The following SPAG17 variants were observed in gnomAD, a reference collection of about 807,000 sequenced individuals.
The protein encoded by SPAG17 is sperm-associated antigen 17.
SPAG17 carries 169 observed loss-of-function variants against 273.6 expected under a neutral mutation model. The observed-to-expected ratio is 0.62, with a 90% CI of 0.55 to 0.70. The LOEUF is 0.70. SPAG17 is among the 30% of genes least tolerant of loss of function. SPAG17 has a pLI of 0.00. For synonymous variants in SPAG17, 825 were observed against 873.2 expected, an observed-to-expected ratio of 0.94 and a Z score of 0.97; for missense variants, 2,557 against 2,627.8, an observed-to-expected ratio of 0.97 and a Z score of 0.59.
intron 17 of SPAG17, among the ~76,000 whole-genome samples, chr1:118,071,966 G>A (rs939870014): frequency 3.3e-5 from 5 of 152,016 alleles, no homozygotes; most frequent in South Asian, 2.1e-4. Context: ...GGATTGCACC[G>A]GCTTGCCAGA....
chr1:118,136,657 C>CTGTTTT (rs1658374821), intron 3 of SPAG17, among the ~76,000 whole-genome samples: 1 of 152,138 alleles, frequency 6.6e-6, no homozygotes, highest in Admixed American at 6.5e-5. Flanking sequence ...GATGCTGGCC[C>CTGTTTT]AGGGTGAAAC....
chr1:118,040,945 AGT>A, intron 21 of SPAG17, 104 bp from the exon 22 acceptor site: 2 of 739,714 alleles, frequency 2.7e-6, no homozygotes, highest in Non-Finnish European at 4.9e-6. Flanking sequence ...ATTTCTGCTA[AGT>A]GATATGTCTG....
At chr1:118,151,392 A>G in intron 1 of SPAG17, 23 bp from the exon 2 acceptor site, 1 of 1,607,548 alleles carries the variant, frequency 6.2e-7, no homozygotes, top group Non-Finnish European at 8.5e-7. Flanking sequence ...AGACGGAATT[A>G]GATTTTAAAT....
intron 1 of SPAG17, among the ~76,000 whole-genome samples, chr1:118,157,147 G>A (rs1248310610): frequency 4.6e-5 from 7 of 152,146 alleles, no homozygotes; most frequent in Non-Finnish European, 8.8e-5. Flanking sequence ...TGTTCACTTG[G>A]AGAAGGTTAC....
chr1:118,165,466 C>T lies in SPAG17; in HGVS notation c.88-14097G>A, dbSNP rs537809247. On this transcript the variant is annotated intron_variant, in intron 1 of 48. Transcript: ENST00000336338. ...AACCTCGGGTATTTACCCCAGACAACGACGCTACTTCATCAAGAGTTGAAA... is the reference window on the plus strand; with the variant it reads ...AACCTCGGGTATTTACCCCAGACAATGACGCTACTTCATCAAGAGTTGAAA... Among the ~76,000 whole-genome samples, 10 of 152,150 alleles carry T rather than the reference C, an allele frequency of 6.6e-5. No individual in the cohort carries two copies. The South Asian group carries it at 1.0e-3, about 16-fold the overall frequency.
In SPAG17 at chr1:118,086,660, A is replaced by G. The variant is rs370992497; in HGVS notation, c.1611+11T>C. The stretch of plus-strand genomic sequence containing the variant: ...CATCGGTTTTCCTTGGGCTAACCTG[A>G]TTATTATTACCTGTAGTGCGTACTT... On this transcript the variant is annotated intron_variant, in intron 12 of 48. Coordinates refer to ENST00000336338, the MANE Select transcript of SPAG17 (RefSeq NM_206996.4). 6.0e-5 allele frequency: 97 copies of G among 1,612,348 alleles called. No homozygotes were observed. The African/African-American group carries it at 1.1e-3, about 19-fold the overall frequency.
At chr1:118,046,212 C>T (rs1158366880) in intron 20 of SPAG17, among the ~76,000 whole-genome samples, 1 of 152,000 alleles carries the variant, frequency 6.6e-6, no homozygotes, top group African/African-American at 2.4e-5. Context: ...TGGCACACTG[C>T]TATAGTCCTA....
chr1:118,136,043 G>A (rs916480020), intron 3 of SPAG17, among the ~76,000 whole-genome samples: 4 of 152,168 alleles, frequency 2.6e-5, no homozygotes, highest in Non-Finnish European at 5.9e-5. Context: ...TTTTCTACAT[G>A]AGCATAGTAA....
At chr1:118,070,700 ATATAT>A (rs1397899240) in intron 17 of SPAG17, among the ~76,000 whole-genome samples, 1 of 152,248 alleles carries the variant, frequency 6.6e-6, no homozygotes, top group Non-Finnish European at 1.5e-5. Flanking sequence ...AATGTTAATG[ATATAT>A]TATATTTAAC....
Position 118,072,767 on chromosome 1 carries a change from T to C in SPAG17, c.2385+1087A>G, listed in dbSNP as rs937372755. ...AAAAATTACGATATTGTTAACAGTA[T>C]CAGAGAATGGAGAAGTGCTAATGTG... On this transcript the variant is annotated intron_variant, in intron 17 of 48. Coordinates refer to ENST00000336338, the MANE Select transcript of SPAG17 (RefSeq NM_206996.4). 2.8e-4 allele frequency among the ~76,000 whole-genome samples: 43 copies of C among 152,050 alleles called. 1 individual carries two copies. The highest frequency in any genetic ancestry group is 9.4e-4 in the African/African-American group (39 of 41,462).
chr1:118,160,082 A>G (rs1659840635), intron 1 of SPAG17, among the ~76,000 whole-genome samples: 1 of 152,166 alleles, frequency 6.6e-6, no homozygotes, highest in South Asian at 2.1e-4. Context: ...AGACCAAGAA[A>G]AGCCAAGAGG....
chr1:118,132,750 A>G (rs898815962), intron 3 of SPAG17, among the ~76,000 whole-genome samples: 10 of 151,222 alleles, frequency 6.6e-5, no homozygotes, highest in African/African-American at 2.2e-4. Flanking sequence ...AAGCAGGGGA[A>G]TAGGCAAAGC....
Position 118,152,045 on chromosome 1 carries a change from G to A in SPAG17, c.88-676C>T, listed in dbSNP as rs547712359. On this transcript the variant is annotated intron_variant, in intron 1 of 48. Coordinates refer to ENST00000336338, the MANE Select transcript of SPAG17 (RefSeq NM_206996.4). Reference sequence around the variant, plus strand: ...TTTCTGTTGGGAGATTAAGAGTGGCGCTCACTGGATTACCTCACATTACCA... The same window carrying A: ...TTTCTGTTGGGAGATTAAGAGTGGCACTCACTGGATTACCTCACATTACCA... 5.9e-4 allele frequency among the ~76,000 whole-genome samples: 90 copies of A among 152,178 alleles called. 1 individual carries two copies. Among genetic ancestry groups the A allele is most frequent in the African/African-American group, 2.0e-3 (85 of 41,526 alleles).
rs1553244358 is a variant in SPAG17 at position 118,069,344 on chromosome 1, C to CAAAAAAAAAAATAAA, written c.2386-2446_2386-2445insTTTATTTTTTTTTTT. On this transcript the variant is annotated intron_variant, in intron 17 of 48. Transcript: ENST00000336338. The stretch of plus-strand genomic sequence containing the variant: ...TAAGCGACAGAGTGAGACTCCGTCT[C>CAAAAAAAAAAATAAA]AAAAAAAAAAAAAAGTGGTGGTAGC... Among the ~76,000 whole-genome samples, 107 of 86,154 alleles carry CAAAAAAAAAAATAAA rather than the reference C, an allele frequency of 1.2e-3. 5 individuals carry two copies. Among genetic ancestry groups the CAAAAAAAAAAATAAA allele is most frequent in the African/African-American group, 5.0e-3 (100 of 20,044 alleles). 56.5% of individuals were successfully genotyped at this position (86,154 alleles called of 152,430 possible).
chr1:118,175,826 C>T (rs1660673381), intron 1 of SPAG17, among the ~76,000 whole-genome samples: 1 of 152,114 alleles, frequency 6.6e-6, no homozygotes, highest in Non-Finnish European at 1.5e-5. Flanking sequence ...ACCCAGGATA[C>T]TGTAATGCTG....
chr1:118,123,269 G>A (rs1411120392), intron 3 of SPAG17, among the ~76,000 whole-genome samples: 1 of 152,000 alleles, frequency 6.6e-6, no homozygotes, highest in Non-Finnish European at 1.5e-5. Flanking sequence ...TATGTGTCTA[G>A]TCTATCCAAT....
chr1:118,012,460 A>G (rs970994981), intron 29 of SPAG17, 88 bp from the exon 30 acceptor site: 169 of 1,416,914 alleles, frequency 1.2e-4, no homozygotes, highest in Non-Finnish European at 1.6e-4. Flanking sequence ...CGAAGATGGC[A>G]CCATCAAAGT....
At chr1:118,086,384 G>C (rs1654997791) in intron 12 of SPAG17, among the ~76,000 whole-genome samples, 2 of 152,110 alleles carry the variant, frequency 1.3e-5, no homozygotes, top group African/African-American at 4.8e-5. Context: ...CATAGCAGCA[G>C]ATATTTGAAG....
At chr1:118,131,612 T>C (rs925240630) in intron 3 of SPAG17, among the ~76,000 whole-genome samples, 21 of 152,258 alleles carry the variant, frequency 1.4e-4, no homozygotes, top group African/African-American at 4.6e-4. Flanking sequence ...GATGATTAGA[T>C]AATTTTTGAA....
Sources: gnomAD v4.1 joint callset for allele counts (sites outside exome capture counted in the v4.1 genomes callset) on GRCh38, gnomAD v4.1.1 for gene constraint, MANE v1.5 for transcripts, NCBI Gene and HGNC (gene_info 2026-07-23, HGNC 2026-07-21) for gene names.